Variants in ZNF655 observed in about 807,000 individuals in gnomAD.
ZNF655 encodes Vav-interacting Kruppel-like protein 1.
In ZNF655, 3 loss-of-function variants were observed where a neutral mutation model predicts 6.6. That is an observed-to-expected ratio of 0.46 (90% CI 0.21 to 1.18). ZNF655 has a LOEUF of 1.18. Among genes scored for constraint, ZNF655 ranks in the 50% most tolerant of loss-of-function variants. The probability of loss-of-function intolerance (pLI) is 0.24; values close to 1 mark genes in which losing one functional copy is unlikely to be tolerated. For missense variants in ZNF655, 526 were observed against 572.3 expected, an observed-to-expected ratio of 0.92 and a Z score of 0.83; for synonymous variants, 178 against 195.0, an observed-to-expected ratio of 0.91 and a Z score of 0.73.
At chr7:99,561,213 A>T (rs530921937) in intron 2 of ZNF655, among the ~76,000 whole-genome samples, 121 of 152,282 alleles carry the variant, frequency 7.9e-4, no homozygotes, top group Middle Eastern at 3.4e-3. Flanking sequence ...ATGTATATAT[A>T]CTGTATTTTG....
At chr7:99,562,558 A>T in intron 2 of ZNF655, 1 of 1,550,110 alleles carries the variant, frequency 6.5e-7, no homozygotes, top group South Asian at 1.2e-5. Context: ...TTTCTTCCTA[A>T]GTATAAGGTC....
At chr7:99,568,045 C>G in intron 2 of ZNF655, among the ~76,000 whole-genome samples, 1 of 137,860 alleles carries the variant, frequency 7.3e-6, no homozygotes, top group South Asian at 2.3e-4. Flanking sequence ...GGCGACAGAG[C>G]GAGACTCCAT....
Position 99,575,137 on chromosome 7 carries a change from T to G in ZNF655, c.*1553T>G, listed in dbSNP as rs1429307282. Reference sequence around the variant, plus strand: ...GGAGCCAACAAGACTCCTAATAGCCTCACTACATTCATCCAGTGCCTATTC... The same window carrying G: ...GGAGCCAACAAGACTCCTAATAGCCGCACTACATTCATCCAGTGCCTATTC... On this transcript the variant is annotated 3_prime_UTR_variant, in exon 3 of 3. Transcript: ENST00000252713. 2.0e-5 allele frequency: 3 copies of G among 152,646 alleles called. No individual in the cohort carries two copies. The highest frequency in any genetic ancestry group is 7.2e-5 in the African/African-American group (3 of 41,446). 9.5% of individuals were successfully genotyped at this position (152,646 alleles called of 1,614,324 possible).
intron 2 of ZNF655, among the ~76,000 whole-genome samples, chr7:99,563,696 CTT>C (rs111763239): frequency 6.9e-6 from 1 of 145,894 alleles, no homozygotes. Context: ...ATTTTCTTTT[CTT>C]TTTTTTTTTT....
chr7:99,567,543 A>AG (rs1277024355), intron 2 of ZNF655, among the ~76,000 whole-genome samples: 1 of 151,974 alleles, frequency 6.6e-6, no homozygotes, highest in Non-Finnish European at 1.5e-5. Context: ...AAAAAAAAAA[A>AG]AAAGCATTCA....
At chr7:99,564,034 C>A in intron 2 of ZNF655, 1 of 1,608,786 alleles carries the variant, frequency 6.2e-7, no homozygotes, top group Non-Finnish European at 8.5e-7. Flanking sequence ...CGTCCCTGCT[C>A]GGAAACTCCT....
chr7:99,560,170 T>A (rs1463254848), intron 1 of ZNF655, among the ~76,000 whole-genome samples: 1 of 151,596 alleles, frequency 6.6e-6, no homozygotes, highest in Admixed American at 6.6e-5. Context: ...CTGCCACGTA[T>A]GCCTTCTGTA....
intron 2 of ZNF655, among the ~76,000 whole-genome samples, chr7:99,569,042 C>T (rs1326312519): frequency 6.6e-6 from 1 of 152,180 alleles, no homozygotes; most frequent in Non-Finnish European, 1.5e-5. Flanking sequence ...GTCATGGCCT[C>T]CCAAAGTGCT....
At chr7:99,561,252 A>G (rs1584241751) in intron 2 of ZNF655, among the ~76,000 whole-genome samples, 2 of 152,336 alleles carry the variant, frequency 1.3e-5, no homozygotes. Context: ...GCTGTATCGT[A>G]TAGGTAGGTT....
Position 99,572,983 on chromosome 7 carries a change from A to G in ZNF655, c.875A>G (p.Gln292Arg), listed in dbSNP as rs752683786. Residue 292 changes from glutamine to arginine, a missense_variant, in exon 3 of 3, where the codon CAG becomes CGG. Transcript: ENST00000252713. ...TGTAGTCCAAGCTCAGGCATAATTC[A>G]GCATAAGAAAATTCACACCAGAGCC... ...KSCSPSSGII[Q>R]HKKIHTRAKS... The G allele has an allele frequency of 6.2e-7, 1 of 1,614,192 alleles. No homozygotes were observed. The highest frequency in any genetic ancestry group is 8.5e-7 in the Non-Finnish European group (1 of 1,180,010).
At chr7:99,568,735 C>T (rs1368950899) in intron 2 of ZNF655, among the ~76,000 whole-genome samples, 3 of 150,754 alleles carry the variant, frequency 2.0e-5, no homozygotes, top group African/African-American at 4.9e-5. Flanking sequence ...TGGGATTACA[C>T]GTGTGAGCCA....
In ZNF655 at chr7:99,572,152, A is replaced by G. The variant is rs1294425071; in HGVS notation, c.137-93A>G. On this transcript the variant is annotated intron_variant, in intron 2 of 2. Coordinates refer to ENST00000252713, the MANE Select transcript of ZNF655 (RefSeq NM_138494.3). ...AAATAAACTTTTCTTGTCCTTGTAG[A>G]TACTACATTGTTTAGTTTTCTCATC... 11 of 1,341,412 alleles carry G rather than the reference A, an allele frequency of 8.2e-6. No individual in the cohort carries two copies. In the Admixed American group the frequency reaches 1.4e-4, roughly 17 times the overall value. 83.1% of individuals were successfully genotyped at this position (1,341,412 alleles called of 1,614,324 possible).
At chr7:99,565,537 G>T (rs1162124208) in intron 2 of ZNF655, among the ~76,000 whole-genome samples, 1 of 152,172 alleles carries the variant, frequency 6.6e-6, no homozygotes, top group African/African-American at 2.4e-5. Context: ...CTATGCAGCA[G>T]TAAATATACA....
intron 2 of ZNF655, chr7:99,563,743 C>A: frequency 1.8e-6 from 2 of 1,110,504 alleles, no homozygotes; most frequent in African/African-American, 1.6e-5. Flanking sequence ...GCATCCAGGG[C>A]ATTGCTTTGT....
chr7:99,569,246 C>A (rs1158255095), intron 2 of ZNF655, among the ~76,000 whole-genome samples: 2 of 152,070 alleles, frequency 1.3e-5, no homozygotes, highest in African/African-American at 4.8e-5. Flanking sequence ...TAAATAAAAT[C>A]AAAAAGTTTT....
intron 2 of ZNF655, chr7:99,571,928 A>G (rs1804104027): frequency 3.2e-6 from 2 of 616,822 alleles, no homozygotes; most frequent in Non-Finnish European, 5.5e-6. Flanking sequence ...TTTTCCCTTC[A>G]GTTAGGTTGA....
intron 2 of ZNF655, among the ~76,000 whole-genome samples, chr7:99,567,513 C>T (rs1170578417): frequency 6.7e-6 from 1 of 148,168 alleles, no homozygotes; most frequent in Non-Finnish European, 1.5e-5. Flanking sequence ...GCCTGGGTGA[C>T]AGAGTGCAAC....
In ZNF655 at chr7:99,572,760, G is replaced by A; in HGVS notation, c.652G>A (p.Gly218Arg). Residue 218 changes from glycine to arginine, a missense_variant, in exon 3 of 3, where the codon GGG becomes AGG. Gly to Arg is a moderately radical substitution (Grantham distance 125). Coordinates refer to ENST00000252713, the MANE Select transcript of ZNF655 (RefSeq NM_138494.3). ...TEKSYKCDVC[G>R]KIFHQSSALT... ...GAAATCCTATAAATGTGATGTATGTGGGAAAATTTTCCATCAGAGCTCAGC... is the reference window on the plus strand; with the variant it reads ...GAAATCCTATAAATGTGATGTATGTAGGAAAATTTTCCATCAGAGCTCAGC... 5 of 1,613,164 alleles carry A rather than the reference G, an allele frequency of 3.1e-6. No homozygotes were observed. Among genetic ancestry groups the A allele is most frequent in the Non-Finnish European group, 4.2e-6 (5 of 1,179,836 alleles).
At chr7:99,571,249 T>C in intron 2 of ZNF655, 2 of 1,289,172 alleles carry the variant, frequency 1.6e-6, no homozygotes, top group Non-Finnish European at 2.0e-6. Context: ...TCACTGATTC[T>C]CTTGCTACAG....
Sources: allele counts gnomAD v4.1 joint callset (sites outside exome capture counted in the v4.1 genomes callset), GRCh38; gene constraint gnomAD v4.1.1; transcripts MANE v1.5; gene names NCBI Gene and HGNC (gene_info 2026-07-23, HGNC 2026-07-21).